The following EML2 variants were observed in gnomAD, a reference collection of about 807,000 sequenced individuals.
EML2 encodes echinoderm microtubule-associated protein-like 2.
In EML2, 59 loss-of-function variants were observed where a neutral mutation model predicts 84.7. The ratio of observed to expected loss-of-function variants is 0.70; its 90% confidence interval spans 0.56 to 0.86. The LOEUF is 0.86. EML2 is among the 40% of genes least tolerant of loss of function. The pLI is 0.00. For synonymous variants in EML2, 352 were observed against 348.9 expected (o/e 1.01, Z -0.10); for missense variants, 818 against 855.6 (o/e 0.96, Z 0.55).
intron 15 of EML2, 63 bp downstream of exon 15, chr19:45,616,398 T>C: frequency 1.6e-6 from 2 of 1,264,642 alleles, no homozygotes; most frequent in Non-Finnish European, 2.2e-6. Context: ...AGGTAGAAAA[T>C]TGGTTAATTT....
intron 7 of EML2, chr19:45,628,583 G>A (rs1414732168): frequency 6.6e-6 from 1 of 152,000 alleles, no homozygotes; most frequent in Non-Finnish European, 1.5e-5. Context: ...AGCACTTTGG[G>A]AGGCAGAGGC....
intron 17 of EML2, 136 bp downstream of exon 17, chr19:45,614,469 C>G: frequency 1.3e-6 from 1 of 748,986 alleles, no homozygotes; most frequent in East Asian, 2.6e-5. Context: ...TTTCCTCTTA[C>G]ACAAATACAG....
At chr19:45,617,132 G>A (rs1478254726) in intron 13 of EML2, among the ~76,000 whole-genome samples, 1 of 151,994 alleles carries the variant, frequency 6.6e-6, no homozygotes, top group Admixed American at 6.6e-5. Flanking sequence ...TGTAATCCCA[G>A]CTACTTAGGA....
chr19:45,644,894 C>T, upstream of EML2: 1 of 431,630 alleles, frequency 2.3e-6, no homozygotes, highest in Admixed American at 2.4e-5. Flanking sequence ...CCACCCCCAC[C>T]CCCTCTGTCT....
intron 8 of EML2, among the ~76,000 whole-genome samples, chr19:45,625,863 T>C (rs527731947): frequency 2.4e-4 from 33 of 139,096 alleles, no homozygotes; most frequent in African/African-American, 1.1e-3. Context: ...GCAGCACCCC[T>C]GTTTTTGTTT....
At chr19:45,610,060 A>G (rs544510778) in intron 18 of EML2, among the ~76,000 whole-genome samples, 1 of 152,056 alleles carries the variant, frequency 6.6e-6, no homozygotes, top group East Asian at 1.9e-4. Flanking sequence ...TTTTATAGCA[A>G]TGGGGTGTCC....
Position 45,619,044 on chromosome 19 carries a change from TC to T in EML2, c.1254+15del. 1.3e-6 allele frequency: 2 copies of T among 1,589,238 alleles called. No individual in the cohort carries two copies. Among genetic ancestry groups the T allele is most frequent in the Non-Finnish European group, 1.7e-6 (2 of 1,163,706 alleles). ...TTCTGTTAGAATGGTGCTTTTCCAG[TC>T]CCCGGGCCCCTTACCTCGATGATCC... On this transcript the variant is annotated intron_variant, in intron 12 of 18. Coordinates refer to ENST00000245925, the MANE Select transcript of EML2 (RefSeq NM_012155.4).
intron 18 of EML2, among the ~76,000 whole-genome samples, chr19:45,612,647 C>T (rs1366823481): frequency 1.3e-5 from 2 of 151,732 alleles, no homozygotes; most frequent in Non-Finnish European, 2.9e-5. Context: ...CCACTGCACT[C>T]CAGCGTGGGC....
upstream of EML2, chr19:45,645,549 C>T: frequency 9.2e-7 from 1 of 1,089,734 alleles, no homozygotes; most frequent in Non-Finnish European, 1.2e-6. Flanking sequence ...CTGCCAAGCC[C>T]CCCAACACAA....
intron 9 of EML2, among the ~76,000 whole-genome samples, chr19:45,622,199 C>CCATCCATCCATCCACTCACT (rs765075975): frequency 1.3e-5 from 2 of 152,106 alleles, no homozygotes; most frequent in Non-Finnish European, 2.9e-5. Context: ...ATACACCCAC[C>CCATCCATCCATCCACTCACT]CATCCATCCA....
chr19:45,613,444 G>A (rs1033673518), intron 18 of EML2, 97 bp downstream of exon 18: 1 of 1,446,064 alleles, frequency 6.9e-7, no homozygotes, highest in Non-Finnish European at 9.5e-7. Flanking sequence ...GGAAACCGAG[G>A]CTCAGAGAAG....
chr19:45,617,642 G>C lies in EML2; in HGVS notation c.1310C>G (p.Thr437Arg). The change falls in exon 13 of 19, where the codon ACA (threonine) becomes AGA (arginine). Residue 437 changes from threonine to arginine, a missense_variant. Physicochemically the swap from Thr to Arg is moderately conservative, Grantham distance 71. Coordinates refer to ENST00000245925, the MANE Select transcript of EML2 (RefSeq NM_012155.4). The part of the protein sequence containing the change: ...HPSGSVLAVG[T>R]VTGRWLLLDT... The stretch of plus-strand genomic sequence containing the variant: ...TCCTCAGCTTTACCTGCCAGTCACT[G>C]TACCCACAGCCAGGACAGAGCCACT... 2 of 1,613,860 alleles carry C rather than the reference G, an allele frequency of 1.2e-6. No homozygotes were observed. The highest frequency in any genetic ancestry group is 1.7e-6 in the Non-Finnish European group (2 of 1,179,874).
chr19:45,626,022 G>A lies in EML2; in HGVS notation c.741+683C>T, dbSNP rs569877629. On this transcript the variant is annotated intron_variant, in intron 8 of 18. Transcript: ENST00000245925. ...CTCCCAGGTAGCTGGGATTACAGGT[G>A]CGCACCACCATGCCTGGCTAATTTT... Among the ~76,000 whole-genome samples, 5 of 152,116 alleles carry A rather than the reference G, an allele frequency of 3.3e-5. No individual in the cohort carries two copies. The East Asian group carries it at 9.7e-4, about 29-fold the overall frequency.
At chr19:45,610,636 G>A (rs1296028645) in intron 18 of EML2, among the ~76,000 whole-genome samples, 3 of 151,442 alleles carry the variant, frequency 2.0e-5, no homozygotes, top group East Asian at 1.9e-4. Context: ...TCAGGAGTTC[G>A]ATACCAGCCT....
At chr19:45,644,873 C>T, upstream of EML2, 1 of 441,610 alleles carries the variant, frequency 2.3e-6, no homozygotes, top group East Asian at 6.9e-5. Context: ...GCCCTCAACT[C>T]AACACCAAAT....
At chr19:45,637,546 A>G (rs1311974003) in intron 3 of EML2, among the ~76,000 whole-genome samples, 1 of 142,422 alleles carries the variant, frequency 7.0e-6, no homozygotes, top group African/African-American at 2.7e-5. Flanking sequence ...TAGCACAATC[A>G]TGGCTCACTG....
chr19:45,641,838 G>C, upstream of EML2: 1 of 1,496,144 alleles, frequency 6.7e-7, no homozygotes, highest in South Asian at 1.3e-5. Context: ...ACCCTCTGCT[G>C]CTGGAGCTCA....
At chr19:45,631,952 C>T (rs1212119562) in intron 6 of EML2, among the ~76,000 whole-genome samples, 2 of 135,420 alleles carry the variant, frequency 1.5e-5, no homozygotes, top group South Asian at 4.8e-4. Context: ...AGTGCAATGG[C>T]GCGATCTCGG....
At chr19:45,642,566 C>A, upstream of EML2, 1 of 1,352,808 alleles carries the variant, frequency 7.4e-7, no homozygotes, top group Non-Finnish European at 9.5e-7. Context: ...ACACTCCTCT[C>A]TGCCACAGCG....
Sources: gnomAD v4.1 joint callset for allele counts (sites outside exome capture counted in the v4.1 genomes callset) on GRCh38, gnomAD v4.1.1 for gene constraint, MANE v1.5 for transcripts, NCBI Gene and HGNC (gene_info 2026-07-23, HGNC 2026-07-21) for gene names.